The following STAB2 variants were observed in gnomAD, a reference collection of about 807,000 sequenced individuals.
STAB2 encodes stabilin 2, also known as stabilin-2.
A neutral mutation model predicts 338.1 loss-of-function variants in STAB2; 288 were observed. The ratio of observed to expected loss-of-function variants is 0.85; its 90% CI spans 0.77 to 0.94. The LOEUF is 0.94. STAB2 is among the 40% of genes least tolerant of loss of function. The probability of loss-of-function intolerance (pLI) is 0.00; values close to 1 mark genes in which losing one functional copy is unlikely to be tolerated. For missense variants in STAB2, 3,141 were observed against 3,210.1 expected, an observed-to-expected ratio of 0.98 and a Z score of 0.52; for synonymous variants, 1,202 against 1,193.3, an observed-to-expected ratio of 1.01 and a Z score of -0.15.
At chr12:103,642,115 C>G (rs1382819019) in intron 9 of STAB2, among the ~76,000 whole-genome samples, 1 of 152,212 alleles carries the variant, frequency 6.6e-6, no homozygotes, top group Non-Finnish European at 1.5e-5. Context: ...AGTTCCCTCA[C>G]CTGTCAAGTA....
intron 22 of STAB2, among the ~76,000 whole-genome samples, chr12:103,672,118 G>A (rs965424527): frequency 2.6e-5 from 4 of 152,156 alleles, no homozygotes; most frequent in Non-Finnish European, 5.9e-5. Flanking sequence ...AAGCAAAGCC[G>A]CTCCTCTTAC....
chr12:103,713,614 C>T (rs777079964), intron 41 of STAB2, 29 bp from the exon 42 acceptor site: 2 of 1,611,608 alleles, frequency 1.2e-6, no homozygotes, highest in Non-Finnish European at 1.7e-6. Flanking sequence ...CCTTCCCTCT[C>T]CCCTTCTGCT....
rs1874042167 is a variant in STAB2 at position 103,654,705 on chromosome 12, A to G, written c.1551+7A>G. 6 of 1,612,862 alleles carry G rather than the reference A, an allele frequency of 3.7e-6. No individual in the cohort carries two copies. In the East Asian group the frequency reaches 1.3e-4, roughly 36 times the overall value. On this transcript the variant is annotated splice_region_variant and intron_variant, in intron 13 of 68. Transcript: ENST00000388887. The stretch of plus-strand genomic sequence containing the variant: ...ATTTGAGAGCAACAATGAGGTGAGT[A>G]TTCAGATAAAAGTCACATCAGGCCA...
chr12:103,612,135 A>G (rs950624453), intron 3 of STAB2, among the ~76,000 whole-genome samples: 2 of 151,948 alleles, frequency 1.3e-5, no homozygotes, highest in Non-Finnish European at 2.9e-5. Context: ...CTTCATTTCA[A>G]CTTTGGTGAA....
At chr12:103,755,742 T>TG (rs1884055902) in intron 63 of STAB2, 24 bp downstream of exon 63, 5 of 1,612,514 alleles carry the variant, frequency 3.1e-6, no homozygotes, top group Non-Finnish European at 4.2e-6. Context: ...CTGCTTGGTT[T>TG]GCCTCAGGCA....
intron 44 of STAB2, among the ~76,000 whole-genome samples, chr12:103,720,664 G>A (rs144191344): frequency 1.3e-5 from 2 of 152,154 alleles, no homozygotes; most frequent in Admixed American, 6.5e-5. Flanking sequence ...TACCAACAAG[G>A]ACTGTGAAAC....
chr12:103,753,963 C>T (rs569768812), intron 61 of STAB2, among the ~76,000 whole-genome samples: 10 of 152,304 alleles, frequency 6.6e-5, no homozygotes, highest in African/African-American at 2.2e-4. Flanking sequence ...GCTCTTTGAT[C>T]AGGTGCTGCT....
intron 19 of STAB2, among the ~76,000 whole-genome samples, chr12:103,668,374 G>A (rs1875368670): frequency 6.6e-6 from 1 of 152,210 alleles, no homozygotes; most frequent in South Asian, 2.1e-4. Context: ...TCTGCTTAGA[G>A]ACATCTGCTG....
intron 9 of STAB2, among the ~76,000 whole-genome samples, chr12:103,641,052 A>G (rs1315220554): frequency 6.6e-6 from 1 of 152,212 alleles, no homozygotes; most frequent in Admixed American, 6.5e-5. Flanking sequence ...TCCATTTTCA[A>G]TTCTCGCTAC....
chr12:103,694,160 G>A (rs918834320), intron 31 of STAB2, among the ~76,000 whole-genome samples: 1 of 152,138 alleles, frequency 6.6e-6, no homozygotes, highest in African/African-American at 2.4e-5. Context: ...CAGAGTGGAG[G>A]CTAGCTAAAT....
At chr12:103,737,952 A>G (rs545605429) in intron 53 of STAB2, among the ~76,000 whole-genome samples, 172 bp downstream of exon 53, 6 of 152,182 alleles carry the variant, frequency 3.9e-5, no homozygotes, top group Non-Finnish European at 8.8e-5. Flanking sequence ...AGCAACAGGC[A>G]TCTACTTAGC....
At chr12:103,636,553 C>T (rs1957551514) in intron 6 of STAB2, among the ~76,000 whole-genome samples, 1 of 151,944 alleles carries the variant, frequency 6.6e-6, no homozygotes, top group Non-Finnish European at 1.5e-5. Flanking sequence ...TTGAATTGCC[C>T]CATGGGAATT....
At chr12:103,660,884 C>T in intron 17 of STAB2, 121 bp downstream of exon 17, 1 of 1,080,844 alleles carries the variant, frequency 9.3e-7, no homozygotes, top group South Asian at 1.4e-5. Context: ...ATGATTATTT[C>T]ATTCATTTGC....
rs142063584 is a variant in STAB2 at position 103,627,852 on chromosome 12, G to A, written c.488-3746G>A. ...TGGGTGCATGACAACAATTAGGGCA[G>A]GAATCATCACTGTATCTCCTAGAGC... On this transcript the variant is annotated intron_variant, in intron 5 of 68. Transcript: ENST00000388887. 2.6e-5 allele frequency among the ~76,000 whole-genome samples: 4 copies of A among 152,328 alleles called. No individual in the cohort carries two copies. The East Asian group carries it at 7.7e-4, about 29-fold the overall frequency.
At chr12:103,685,722 A>G (rs549939288) in intron 27 of STAB2, among the ~76,000 whole-genome samples, 5 of 152,248 alleles carry the variant, frequency 3.3e-5, no homozygotes, top group Admixed American at 2.6e-4. Flanking sequence ...CCAGTGTAGA[A>G]CATTCTATCT....
chr12:103,687,196 G>A (rs189970276), intron 27 of STAB2, among the ~76,000 whole-genome samples: 1 of 151,950 alleles, frequency 6.6e-6, no homozygotes, highest in African/African-American at 2.4e-5. Context: ...CTGGAGCAAG[G>A]TTTCACCATA....
intron 60 of STAB2, among the ~76,000 whole-genome samples, chr12:103,752,501 G>A (rs774460237): frequency 6.6e-6 from 1 of 152,206 alleles, no homozygotes; most frequent in Non-Finnish European, 1.5e-5. Flanking sequence ...TGTCTGCACT[G>A]AATTGTTTGG....
intron 26 of STAB2, among the ~76,000 whole-genome samples, chr12:103,684,211 C>CT (rs1354390129): frequency 1.3e-5 from 2 of 152,186 alleles, no homozygotes; most frequent in African/African-American, 4.8e-5. Flanking sequence ...GTGATGCCCT[C>CT]TAATTTATTA....
At chr12:103,689,583 TAAAGTGTAAAGGACTTATAATGACTG>T (rs1877746047) in intron 28 of STAB2, among the ~76,000 whole-genome samples, 1 of 152,166 alleles carries the variant, frequency 6.6e-6, no homozygotes, top group Admixed American at 6.5e-5. Flanking sequence ...TCATTTAGAC[TAAAGTGTAAAGGACTTATAATGACTG>T]AAAGTGTGAT....
Sources: allele counts gnomAD v4.1 joint callset (sites outside exome capture counted in the v4.1 genomes callset), GRCh38; gene constraint gnomAD v4.1.1; transcripts MANE v1.5; gene names NCBI Gene and HGNC (gene_info 2026-07-23, HGNC 2026-07-21).